PRKD1: variants seen among roughly 807,000 people sequenced by gnomAD.
PRKD1 encodes the protein protein kinase D1, also known as serine/threonine-protein kinase D1.
In PRKD1, 63 loss-of-function variants were observed where a neutral mutation model predicts 95.9. The observed-to-expected ratio is 0.66, with a 90% CI of 0.54 to 0.81. The LOEUF (loss-of-function observed/expected upper bound fraction) is 0.81, where lower values mean the gene tolerates loss of function less well. PRKD1 is among the 30% of genes least tolerant of loss of function. The pLI is 0.00. For synonymous variants in PRKD1, 425 were observed against 423.1 expected, an observed-to-expected ratio of 1.00 and a Z score of -0.05; for missense variants, 1,048 against 1,165.3, an observed-to-expected ratio of 0.90 and a Z score of 1.47.
intron 1 of PRKD1, among the ~76,000 whole-genome samples, chr14:29,760,113 T>C (rs1206791446): frequency 6.6e-6 from 1 of 152,192 alleles, no homozygotes; most frequent in Non-Finnish European, 1.5e-5. Context: ...CAGTTTTCAA[T>C]AGCTCTTTTA....
At chr14:29,888,765 T>C (rs1015438447) in intron 1 of PRKD1, among the ~76,000 whole-genome samples, 5 of 152,220 alleles carry the variant, frequency 3.3e-5, no homozygotes, top group African/African-American at 1.2e-4. Flanking sequence ...GAATTTATTA[T>C]TACTACATCA....
chr14:29,728,773 G>A (rs956290702), intron 1 of PRKD1, among the ~76,000 whole-genome samples: 7 of 152,030 alleles, frequency 4.6e-5, no homozygotes, highest in Admixed American at 6.6e-5. Flanking sequence ...ACATGCTTCC[G>A]TTTCTTGTGG....
In PRKD1 at chr14:29,758,565, G is replaced by T. The variant is rs45521931; in HGVS notation, c.265-32891C>A. On this transcript the variant is annotated intron_variant, in intron 1 of 17. Coordinates refer to ENST00000331968, the MANE Select transcript of PRKD1 (RefSeq NM_002742.3). ...AGTTGGCAAATATATAACTAGAGAA[G>T]TTTAACTGAAATATCAGGACGTATT... Among the ~76,000 whole-genome samples the T allele has an allele frequency of 6.5e-3, 997 of 152,216 alleles. 3 individuals are homozygous for T. The highest frequency in any genetic ancestry group is 0.023 in the African/African-American group (935 of 41,534).
intron 13 of PRKD1, among the ~76,000 whole-genome samples, chr14:29,614,949 C>A (rs557746445): frequency 2.0e-5 from 3 of 148,648 alleles, no homozygotes; most frequent in African/African-American, 7.6e-5. Context: ...TGAGCTCAGG[C>A]AGTCTGCCCG....
rs779877270 is a variant in PRKD1 at position 29,577,311 on chromosome 14, G to A, written c.2666C>T (p.Ala889Val). 6.2e-6 allele frequency: 10 copies of A among 1,613,806 alleles called. No homozygotes were observed. The Admixed American group carries it at 8.3e-5, about 13-fold the overall frequency. The stretch of plus-strand genomic sequence containing the variant: ...AGTCTCAGGAGTGTCACTGTGGCTA[G>A]CACTTGGATTGATCAGGTGTGTGGG... ...QYPTHLINPS[A>V]SHSDTPETEE... Residue 889 changes from alanine to valine, a missense_variant, in exon 18 of 18, where the codon GCT (alanine) becomes GTT (valine). Transcript: ENST00000331968.
At chr14:29,875,422 A>G (rs1370530490) in intron 1 of PRKD1, among the ~76,000 whole-genome samples, 1 of 152,226 alleles carries the variant, frequency 6.6e-6, no homozygotes, top group Non-Finnish European at 1.5e-5. Flanking sequence ...GACAAAGACT[A>G]GGAATGCATA....
intron 2 of PRKD1, among the ~76,000 whole-genome samples, chr14:29,673,817 T>C (rs1883001379): frequency 6.6e-6 from 1 of 152,188 alleles, no homozygotes; most frequent in African/African-American, 2.4e-5. Context: ...CCAGAGATGT[T>C]TTTGCTAGTA....
intron 1 of PRKD1, among the ~76,000 whole-genome samples, chr14:29,915,530 A>T (rs1463885883): frequency 6.6e-6 from 1 of 152,096 alleles, no homozygotes; most frequent in Non-Finnish European, 1.5e-5. Context: ...TCCAGTTCTA[A>T]TGTTCTCTCT....
In PRKD1 at chr14:29,583,660, C is replaced by T. The variant is rs117983915; in HGVS notation, c.2435-5300G>A. Among the ~76,000 whole-genome samples, 981 of 151,858 alleles carry T rather than the reference C, an allele frequency of 6.5e-3. 2 individuals carry two copies. The highest frequency in any genetic ancestry group is 9.4e-3 in the Non-Finnish European group (637 of 67,936). The stretch of plus-strand genomic sequence containing the variant: ...CTTAAATCTAAAGTTTCTTAAATAG[C>T]CACAACCGGGCATGTGGGAAGTCTT... On this transcript the variant is annotated intron_variant, in intron 16 of 17. Coordinates refer to ENST00000331968, the MANE Select transcript of PRKD1 (RefSeq NM_002742.3).
At chr14:29,590,627 C>T (rs1893093565) in intron 16 of PRKD1, among the ~76,000 whole-genome samples, 1 of 152,046 alleles carries the variant, frequency 6.6e-6, no homozygotes, top group Non-Finnish European at 1.5e-5. Flanking sequence ...TCATATAAAA[C>T]AAAATTAATC....
chr14:29,636,533 T>C, intron 6 of PRKD1, 39 bp from the exon 7 acceptor site: 1 of 1,605,138 alleles, frequency 6.2e-7, no homozygotes, highest in South Asian at 1.1e-5. Flanking sequence ...AAGCCTGGAA[T>C]CTTGGAGCCA....
chr14:29,591,766 G>A (rs1352851167), intron 16 of PRKD1, among the ~76,000 whole-genome samples: 1 of 151,978 alleles, frequency 6.6e-6, no homozygotes, highest in Non-Finnish European at 1.5e-5. Context: ...ACACCCCTGC[G>A]ACCTACTTCT....
intron 2 of PRKD1, among the ~76,000 whole-genome samples, chr14:29,709,142 A>T (rs944745818): frequency 1.3e-5 from 2 of 152,198 alleles, no homozygotes; most frequent in African/African-American, 4.8e-5. Flanking sequence ...GTTATGGAAT[A>T]AAGTTGTCCC....
chr14:29,779,186 G>A (rs1888918074), intron 1 of PRKD1, among the ~76,000 whole-genome samples: 1 of 152,170 alleles, frequency 6.6e-6, no homozygotes, highest in Non-Finnish European at 1.5e-5. Context: ...ATATCATACT[G>A]AATGGGCAAA....
chr14:29,609,537 C>CACAT (rs1364195981), intron 13 of PRKD1, among the ~76,000 whole-genome samples: 2 of 142,766 alleles, frequency 1.4e-5, no homozygotes, highest in East Asian at 2.0e-4. Context: ...CACACACACA[C>CACAT]ATATATATAT....
intron 13 of PRKD1, among the ~76,000 whole-genome samples, chr14:29,619,819 A>G (rs1235580395): frequency 6.6e-6 from 1 of 152,164 alleles, no homozygotes; most frequent in Non-Finnish European, 1.5e-5. Flanking sequence ...GTATCTGACA[A>G]TGGTAAAAAG....
At chr14:29,650,864 G>A (rs1881450422) in intron 4 of PRKD1, among the ~76,000 whole-genome samples, 1 of 152,174 alleles carries the variant, frequency 6.6e-6, no homozygotes, top group South Asian at 2.1e-4. Flanking sequence ...CAATATATGT[G>A]GGAAACAGAT....
intron 2 of PRKD1, among the ~76,000 whole-genome samples, chr14:29,700,068 A>G (rs1412526413): frequency 1.3e-5 from 2 of 149,408 alleles, no homozygotes; most frequent in African/African-American, 2.5e-5. Flanking sequence ...AGATTTTCCT[A>G]TATTTGCTTA....
chr14:29,770,847 G>A (rs561863759), intron 1 of PRKD1, among the ~76,000 whole-genome samples: 16 of 149,514 alleles, frequency 1.1e-4, no homozygotes, highest in East Asian at 6.0e-4. Flanking sequence ...GTGGTGGCAC[G>A]CGTCCGTGGG....
Sources: gnomAD v4.1 joint callset for allele counts (sites outside exome capture counted in the v4.1 genomes callset) on GRCh38, gnomAD v4.1.1 for gene constraint, MANE v1.5 for transcripts, NCBI Gene and HGNC (gene_info 2026-07-23, HGNC 2026-07-21) for gene names.